CFAP91: variants seen among roughly 807,000 people sequenced by gnomAD.
CFAP91 encodes cilia and flagella associated protein 91.
In CFAP91, 85 loss-of-function variants were observed where a neutral mutation model predicts 95.9. The observed-to-expected ratio is 0.89, with a 90% CI of 0.74 to 1.06. CFAP91 has a LOEUF of 1.06. CFAP91 is among the 50% of genes least tolerant of loss of function. The pLI is 0.00. For missense variants in CFAP91, 962 were observed against 943.4 expected (o/e 1.02, Z -0.26); for synonymous variants, 335 against 327.5 (o/e 1.02, Z -0.25).
chr3:119,722,189 A>AG (rs2053698555), intron 6 of CFAP91, among the ~76,000 whole-genome samples: 1 of 151,800 alleles, frequency 6.6e-6, no homozygotes, highest in African/African-American at 2.4e-5. Context: ...AAAAAAAAAA[A>AG]AAAAAAGGAA....
chr3:119,742,823 C>T (rs1291966262), intron 13 of CFAP91, among the ~76,000 whole-genome samples: 1 of 152,082 alleles, frequency 6.6e-6, no homozygotes, highest in Admixed American at 6.5e-5. Flanking sequence ...TACCCATAGC[C>T]CCATGGCCTC....
intron 6 of CFAP91, among the ~76,000 whole-genome samples, chr3:119,721,281 T>C (rs1284630899): frequency 6.6e-6 from 1 of 152,212 alleles, no homozygotes; most frequent in African/African-American, 2.4e-5. Context: ...TAGCATGCAG[T>C]GCTCATTTAT....
chr3:119,744,982 A>G (rs1051698213), intron 14 of CFAP91, among the ~76,000 whole-genome samples: 21 of 152,226 alleles, frequency 1.4e-4, no homozygotes, highest in Admixed American at 5.2e-4. Flanking sequence ...CAGAGGAGCT[A>G]CTATACACAA....
At chr3:119,719,529 A>G (rs2053641680) in intron 6 of CFAP91, among the ~76,000 whole-genome samples, 1 of 152,262 alleles carries the variant, frequency 6.6e-6, no homozygotes, top group South Asian at 2.1e-4. Context: ...AGTGCTTTAC[A>G]TTTTAAACCT....
At chr3:119,737,271 T>C in intron 10 of CFAP91, 95 bp from the exon 11 acceptor site, 1 of 687,444 alleles carries the variant, frequency 1.5e-6, no homozygotes, top group Non-Finnish European at 2.6e-6. Flanking sequence ...TTCACCATTA[T>C]GTAATACATT....
rs766442101 is a variant in CFAP91, at chr3:119,747,222, G to A, written c.2010G>A (p.Met670Ile). 7.4e-6 allele frequency: 12 copies of A among 1,613,680 alleles called. No homozygotes were observed. The highest frequency in any genetic ancestry group is 1.7e-5 in the Admixed American group (1 of 59,990). The change falls in exon 15 of 18, where the codon ATG (methionine) becomes ATA (isoleucine). Residue 670 changes from methionine (M) to isoleucine (I), a missense_variant. Met to Ile is a conservative substitution (Grantham distance 10). Coordinates refer to ENST00000273390, the MANE Select transcript of CFAP91 (RefSeq NM_033364.4). The stretch of plus-strand genomic sequence containing the variant: ...AAGCCAGGGCAGAAATAGAGAAGAT[G>A]GCTGAGAAAATCAATGACATTGCTT... ...EEQARAEIEK[M>I]AEKINDIAYE...
intron 16 of CFAP91, among the ~76,000 whole-genome samples, chr3:119,748,612 C>T (rs2054268867): frequency 6.6e-6 from 1 of 152,176 alleles, no homozygotes; most frequent in Admixed American, 6.5e-5. Context: ...TCCAGATGGG[C>T]TTAAGCAGAA....
Position 119,717,550 on chromosome 3 carries a change from G to GGTT in CFAP91, c.682+1807_682+1808insGTT, listed in dbSNP as rs1553706268. 5.7e-3 allele frequency among the ~76,000 whole-genome samples: 746 copies of GGTT among 130,140 alleles called. 22 individuals carry two copies. The highest frequency in any genetic ancestry group is 8.2e-3 in the Admixed American group (106 of 12,944). 85.4% of individuals were successfully genotyped at this position (130,140 alleles called of 152,430 possible). On this transcript the variant is annotated intron_variant, in intron 6 of 17. Transcript: ENST00000273390. Reference sequence around the variant, plus strand: ...AATATCTGTTAAGTAAAATACGTTGGTTTTTTTTTTTTTTTTTTTCACAAA... The same window carrying GGTT: ...AATATCTGTTAAGTAAAATACGTTGGGTTTTTTTTTTTTTTTTTTTTTCACAAA...
intron 6 of CFAP91, among the ~76,000 whole-genome samples, chr3:119,725,025 C>T (rs2053755131): frequency 6.6e-6 from 1 of 152,246 alleles, no homozygotes; most frequent in Non-Finnish European, 1.5e-5. Flanking sequence ...TAGGCATGCC[C>T]TACTGTACGT....
intron 17 of CFAP91, among the ~76,000 whole-genome samples, chr3:119,761,398 G>A (rs1409076898): frequency 6.6e-6 from 1 of 151,724 alleles, no homozygotes. Flanking sequence ...TCCCAGGCAG[G>A]ACCCAATGGC....
intron 17 of CFAP91, among the ~76,000 whole-genome samples, chr3:119,756,174 A>C (rs2054423872): frequency 6.6e-6 from 1 of 152,160 alleles, no homozygotes; most frequent in African/African-American, 2.4e-5. Flanking sequence ...AAAAAGAAAA[A>C]GAAAAACCTT....
Position 119,766,645 on chromosome 3 carries a change from AG to A in CFAP91, c.*1598del, listed in dbSNP as rs1358661695. On this transcript the variant is annotated 3_prime_UTR_variant, in exon 18 of 18. Coordinates refer to ENST00000273390, the MANE Select transcript of CFAP91 (RefSeq NM_033364.4). ...TGAAGGGCCAGATGGTAACTACATT[AG>A]GGTTTGCGGGTCTGATGGTCGCCAT... 1 of 152,180 alleles carries A rather than the reference AG, an allele frequency of 6.6e-6. No individual in the cohort carries two copies. The highest frequency in any genetic ancestry group is 1.5e-5 in the Non-Finnish European group (1 of 68,038). 9.4% of individuals were successfully genotyped at this position (152,180 alleles called of 1,614,324 possible).
chr3:119,748,006 A>G, intron 16 of CFAP91, 104 bp downstream of exon 16: 1 of 849,654 alleles, frequency 1.2e-6, no homozygotes, highest in East Asian at 2.7e-5. Flanking sequence ...AAATTTCTAA[A>G]GGAGGATCAC....
rs556125660 is a variant in CFAP91, at chr3:119,738,332, C to CTTTTTTTTTTTTTTTT, written c.1461+869_1461+884dup. ...TGCAGGGCTTTGGTTGACATATTGT[C>CTTTTTTTTTTTTTTTT]TTTTTTTTTTTTTTTTTTTTTTTTT... On this transcript the variant is annotated intron_variant, in intron 11 of 17. Coordinates refer to ENST00000273390, the MANE Select transcript of CFAP91 (RefSeq NM_033364.4). Among the ~76,000 whole-genome samples the CTTTTTTTTTTTTTTTT allele has an allele frequency of 1.3e-3, 29 of 23,074 alleles. 9 individuals carry two copies. Among genetic ancestry groups the CTTTTTTTTTTTTTTTT allele is most frequent in the East Asian group, 4.0e-3 (2 of 498 alleles). The allele number at this position is 23,074 out of a possible 152,430, so 15.1% of individuals were successfully genotyped here. A position where few individuals can be genotyped will look rare whatever the true frequency, so the allele number is the denominator to read the frequency against.
chr3:119,740,613 A>G lies in CFAP91; in HGVS notation c.1598A>G (p.Gln533Arg), dbSNP rs1158402720. The G allele has an allele frequency of 6.2e-7, 1 of 1,614,224 alleles. No homozygotes were observed. ...IQELRTCHAL[Q>R]EDEKLVKKAE... The stretch of plus-strand genomic sequence containing the variant: ...GAGTTGCGCACCTGCCACGCACTAC[A>G]AGAAGATGAAAAGCTGGTGAAAAAA... The change falls in exon 13 of 18, where the codon CAA becomes CGA. Residue 533 changes from glutamine to arginine, a missense_variant. By Grantham distance (43) the Gln-to-Arg change is conservative. Coordinates refer to ENST00000273390, the MANE Select transcript of CFAP91 (RefSeq NM_033364.4).
rs759926184 is a variant in CFAP91, at chr3:119,744,155, G to A, written c.1861G>A (p.Glu621Lys). ...TGAAGAGAGTGGTCGGCGCCAGGTG[G>A]AAAAACAGCGCCTGCGGGAGGAGGA... is the stretch of plus-strand genomic sequence containing the variant. The part of the protein sequence containing the change: ...EAEESGRRQV[E>K]KQRLREEDEI... Residue 621 changes from glutamate (E) to lysine (K), a missense_variant, in exon 14 of 18, where the codon GAA (glutamate) becomes AAA (lysine). Glu to Lys is a moderately conservative substitution (Grantham distance 56). Coordinates refer to ENST00000273390, the MANE Select transcript of CFAP91 (RefSeq NM_033364.4). The A allele has an allele frequency of 6.2e-7, 1 of 1,613,734 alleles. No individual in the cohort carries two copies. Among genetic ancestry groups the A allele is most frequent in the South Asian group, 1.1e-5 (1 of 91,054 alleles).
chr3:119,751,734 G>A (rs1013598246), intron 17 of CFAP91, among the ~76,000 whole-genome samples: 7 of 152,312 alleles, frequency 4.6e-5, no homozygotes, highest in South Asian at 2.1e-4. Context: ...TTTACGGAGT[G>A]CAGATACAAT....
chr3:119,706,932 C>G (rs767879141), intron 2 of CFAP91, 47 bp downstream of exon 2: 44 of 1,436,276 alleles, frequency 3.1e-5, no homozygotes, highest in Non-Finnish European at 3.9e-5. Flanking sequence ...CCTGAACCAT[C>G]TAGTTTGCCT....
In CFAP91 at chr3:119,756,121, C is replaced by T. The variant is rs537400258; in HGVS notation, c.*1+5023C>T. Among the ~76,000 whole-genome samples the T allele has an allele frequency of 2.1e-4, 32 of 152,086 alleles. 1 individual carries two copies. The highest frequency in any genetic ancestry group is 1.2e-3 in the South Asian group (6 of 4,822). ...CTAAGCAGAATAAATAAAAAGAAAA[C>T]GATACCTAGATACACCTTAGAATAC... On this transcript the variant is annotated intron_variant, in intron 17 of 17. Coordinates refer to ENST00000273390, the MANE Select transcript of CFAP91 (RefSeq NM_033364.4).
Sources: gnomAD v4.1 joint callset for allele counts (sites outside exome capture counted in the v4.1 genomes callset) on GRCh38, gnomAD v4.1.1 for gene constraint, MANE v1.5 for transcripts, NCBI Gene and HGNC (gene_info 2026-07-23, HGNC 2026-07-21) for gene names.